The following UNC5A variants were observed in gnomAD, a reference collection of about 807,000 sequenced individuals.
UNC5A encodes the protein netrin receptor UNC5A.
In UNC5A, 20 loss-of-function variants were observed where a neutral mutation model predicts 87.4. The observed-to-expected ratio is 0.23, with a 90% confidence interval of 0.16 to 0.33. The LOEUF is 0.33. Among genes scored for constraint, UNC5A ranks in the 10% least tolerant of loss-of-function variants. UNC5A has a pLI of 1.00. For missense variants in UNC5A, 844 were observed against 1,133.4 expected (o/e 0.74, Z 3.67); for synonymous variants, 438 against 482.3 (o/e 0.91, Z 1.20).
At chr5:176,860,674 C>T (rs1180308824) in intron 1 of UNC5A, among the ~76,000 whole-genome samples, 7 of 152,214 alleles carry the variant, frequency 4.6e-5, no homozygotes, top group Non-Finnish European at 8.8e-5. Flanking sequence ...GCCTGCATTC[C>T]GCCACTTCCT....
chr5:176,860,036 C>A (rs1007464571), intron 1 of UNC5A, among the ~76,000 whole-genome samples: 3 of 152,216 alleles, frequency 2.0e-5, no homozygotes, highest in African/African-American at 7.2e-5. Context: ...GCAAGCAGTG[C>A]TTGGCGTGCT....
intron 1 of UNC5A, among the ~76,000 whole-genome samples, chr5:176,815,811 C>G (rs1373698898): frequency 6.6e-6 from 1 of 152,216 alleles, no homozygotes; most frequent in Non-Finnish European, 1.5e-5. Flanking sequence ...AGCATCCCCC[C>G]TCCCCCGCCA....
At position 176,873,949 on chromosome 5, in the gene UNC5A, G is replaced by A; in HGVS notation, c.887-19G>A. ...CTCCTACACCCCTGCCCCCACCAAGGCCATGCTGTCTCCCGCAGCTGCTTC... is the reference window on the plus strand; with the variant it reads ...CTCCTACACCCCTGCCCCCACCAAGACCATGCTGTCTCCCGCAGCTGCTTC... On this transcript the variant is annotated intron_variant, in intron 6 of 14. Transcript: ENST00000329542. 6.2e-7 allele frequency: 1 copy of A among 1,609,328 alleles called. No homozygotes were observed. Among genetic ancestry groups the A allele is most frequent in the Non-Finnish European group, 8.5e-7 (1 of 1,178,340 alleles).
Position 176,826,426 on chromosome 5 carries a change from A to G in UNC5A, c.70+15606A>G, listed in dbSNP as rs141999298. Among the ~76,000 whole-genome samples the G allele has an allele frequency of 6.9e-4, 105 of 152,348 alleles. 1 individual carries two copies. The highest frequency in any genetic ancestry group is 3.4e-3 in the Middle Eastern group (1 of 294). Reference sequence around the variant, plus strand: ...GGCCTCAGCAACCCCAGGATCAAACAGTAACTGGTAAAATGAGCTTAGTCC... The same window carrying G: ...GGCCTCAGCAACCCCAGGATCAAACGGTAACTGGTAAAATGAGCTTAGTCC... On this transcript the variant is annotated intron_variant, in intron 1 of 14. Coordinates refer to ENST00000329542, the MANE Select transcript of UNC5A (RefSeq NM_133369.3).
rs953249882 is a variant in UNC5A at position 176,880,835 on chromosome 5, C to T, written c.*949C>T. ...CCTTATGTACACAGCCTTGCCCGGCCGCCGGGGCACATAGGGGTTTTATCG... is the reference window on the plus strand; with the variant it reads ...CCTTATGTACACAGCCTTGCCCGGCTGCCGGGGCACATAGGGGTTTTATCG... On this transcript the variant is annotated 3_prime_UTR_variant, in exon 15 of 15. Coordinates refer to ENST00000329542, the MANE Select transcript of UNC5A (RefSeq NM_133369.3). The T allele has an allele frequency of 1.1e-5, 5 of 435,198 alleles. No homozygotes were observed. The highest frequency in any genetic ancestry group is 4.4e-5 in the South Asian group (1 of 22,540). The allele number at this position is 435,198 out of a possible 1,614,324, so 27.0% of individuals were successfully genotyped here.
chr5:176,852,823 G>A (rs867786190), intron 1 of UNC5A, among the ~76,000 whole-genome samples: 9 of 152,240 alleles, frequency 5.9e-5, no homozygotes, highest in South Asian at 4.1e-4. Flanking sequence ...CTGCGTTTGC[G>A]ACATCTTGGC....
intron 1 of UNC5A, among the ~76,000 whole-genome samples, chr5:176,831,885 C>CTTTTTTTTTTTTTT (rs10580672): frequency 1.4e-4 from 4 of 27,692 alleles, no homozygotes; most frequent in African/African-American, 2.4e-4. Context: ...TTCTCTCTCT[C>CTTTTTTTTTTTTTT]TTTTTTTTTT....
intron 1 of UNC5A, among the ~76,000 whole-genome samples, chr5:176,817,287 G>C (rs796091850): frequency 6.6e-6 from 1 of 151,908 alleles, no homozygotes; most frequent in South Asian, 2.1e-4. Context: ...GGGAGGGGGT[G>C]GGGGGAAGGC....
chr5:176,865,939 T>G lies in UNC5A; in HGVS notation c.293-2191T>G, dbSNP rs892406693. Among the ~76,000 whole-genome samples, 4 of 152,380 alleles carry G rather than the reference T, an allele frequency of 2.6e-5. No homozygotes were observed. Among genetic ancestry groups the G allele is most frequent in the African/African-American group, 9.6e-5 (4 of 41,598 alleles). On this transcript the variant is annotated intron_variant, in intron 2 of 14. Coordinates refer to ENST00000329542, the MANE Select transcript of UNC5A (RefSeq NM_133369.3). The surrounding 1 kb of genome is among the most constrained non-coding windows in gnomAD (Gnocchi z 5.3). Reference sequence around the variant, plus strand: ...GCCTGAAATTTGCAAAACCAAGCACTGGAGTCCGGTCTGGGAGTATAACTT... The same window carrying G: ...GCCTGAAATTTGCAAAACCAAGCACGGGAGTCCGGTCTGGGAGTATAACTT...
chr5:176,858,720 AGAGAAG>A (rs1350043125), intron 1 of UNC5A, among the ~76,000 whole-genome samples: 21 of 85,720 alleles, frequency 2.4e-4, no homozygotes, highest in African/African-American at 6.2e-4. Context: ...AAAGAGAGAG[AGAGAAG>A]GAAGGAAGGA....
chr5:176,823,389 T>G (rs1756776657), intron 1 of UNC5A, among the ~76,000 whole-genome samples: 1 of 151,838 alleles, frequency 6.6e-6, no homozygotes, highest in Non-Finnish European at 1.5e-5. Flanking sequence ...TCTGGTCACG[T>G]GAAGCCAAGG....
chr5:176,846,153 G>A (rs1260906911), intron 1 of UNC5A, among the ~76,000 whole-genome samples: 2 of 152,152 alleles, frequency 1.3e-5, no homozygotes, highest in Admixed American at 1.3e-4. Context: ...GATGAGGATG[G>A]GGGCACTTTC....
At chr5:176,819,901 G>A (rs1756687624) in intron 1 of UNC5A, among the ~76,000 whole-genome samples, 1 of 152,372 alleles carries the variant, frequency 6.6e-6, no homozygotes, top group Middle Eastern at 3.4e-3. Flanking sequence ...ATAGCACCAG[G>A]CACAGCCTGT....
chr5:176,838,873 T>C lies in UNC5A; in HGVS notation c.71-23751T>C, dbSNP rs1757203459. Among the ~76,000 whole-genome samples, 1 of 152,190 alleles carries C rather than the reference T, an allele frequency of 6.6e-6. No individual in the cohort carries two copies. Among genetic ancestry groups the C allele is most frequent in the Non-Finnish European group, 1.5e-5 (1 of 68,038 alleles). On this transcript the variant is annotated intron_variant, in intron 1 of 14. Coordinates refer to ENST00000329542, the MANE Select transcript of UNC5A (RefSeq NM_133369.3). The surrounding 1 kb of genome is among the most constrained non-coding windows in gnomAD (Gnocchi z 4.2). ...GAGCCAGGGCAGGAGATAGCATTGG[T>C]TTAAGCCAATCAGGGTCCATCCCTG... is the stretch of plus-strand genomic sequence containing the variant.
intron 1 of UNC5A, among the ~76,000 whole-genome samples, chr5:176,813,600 A>T (rs905063288): frequency 8.6e-5 from 13 of 152,040 alleles, no homozygotes; most frequent in Admixed American, 7.8e-4. Context: ...CTGTGTTGGG[A>T]GGGGGGGCTT....
chr5:176,846,418 C>T (rs1757404094), intron 1 of UNC5A, among the ~76,000 whole-genome samples: 1 of 152,110 alleles, frequency 6.6e-6, no homozygotes, highest in African/African-American at 2.4e-5. Context: ...CCAGCAGGGA[C>T]AAGACAGCAA....
At chr5:176,819,313 G>A (rs77754069) in intron 1 of UNC5A, among the ~76,000 whole-genome samples, 3,076 of 152,270 alleles carry the variant, frequency 0.02, 95 homozygotes, top group African/African-American at 0.07. Context: ...GAAGTGACAT[G>A]GGACACTAAG....
chr5:176,863,274 A>G (rs1027589429), intron 2 of UNC5A, among the ~76,000 whole-genome samples: 4 of 152,180 alleles, frequency 2.6e-5, no homozygotes, highest in African/African-American at 9.7e-5. Context: ...AGAAGGGGGA[A>G]GTGCATCCCA....
At chr5:176,820,033 C>T (rs980124208) in intron 1 of UNC5A, among the ~76,000 whole-genome samples, 2 of 152,210 alleles carry the variant, frequency 1.3e-5, no homozygotes, top group African/African-American at 2.4e-5. Flanking sequence ...GAGGCCGAGG[C>T]GGGCGGATCA....
Sources: allele counts gnomAD v4.1 joint callset (sites outside exome capture counted in the v4.1 genomes callset), GRCh38; gene constraint gnomAD v4.1.1; non-coding constraint Gnocchi (gnomAD v3.1); transcripts MANE v1.5; gene names NCBI Gene and HGNC (gene_info 2026-07-23, HGNC 2026-07-21).